Variants in STK3 observed in about 807,000 individuals in gnomAD.
STK3 encodes the protein serine/threonine-protein kinase 3.
A neutral mutation model predicts 58.0 loss-of-function variants in STK3; 41 were observed. That is an observed-to-expected ratio of 0.71 (90% CI 0.55 to 0.92). STK3 has a LOEUF of 0.92. Ranked by LOEUF, STK3 falls within the 40% of genes least tolerant of loss-of-function variation. The probability of loss-of-function intolerance (pLI) is 0.00; values close to 1 mark genes in which losing one functional copy is unlikely to be tolerated. For synonymous variants in STK3, 170 were observed against 191.0 expected (o/e 0.89, Z 0.91); for missense variants, 479 against 602.7 (o/e 0.79, Z 2.15).
chr8:98,592,495 T>C (rs1363212215), intron 7 of STK3, among the ~76,000 whole-genome samples: 7 of 152,190 alleles, frequency 4.6e-5, no homozygotes, highest in Admixed American at 1.3e-4. Context: ...TTTTTGTCTT[T>C]CATTTCTCAA....
intron 4 of STK3, among the ~76,000 whole-genome samples, chr8:98,727,960 T>C (rs1238210842): frequency 1.3e-5 from 2 of 152,226 alleles, no homozygotes; most frequent in Non-Finnish European, 2.9e-5. Context: ...ATGTAGCAAT[T>C]TCTGAAATAC....
At chr8:98,908,805 T>C (rs1339082317) in intron 1 of STK3, among the ~76,000 whole-genome samples, 1 of 142,742 alleles carries the variant, frequency 7.0e-6, no homozygotes, top group Non-Finnish European at 1.5e-5. Flanking sequence ...ATAACACCAT[T>C]GCATTCCAGC....
the STK3 span, among the ~76,000 whole-genome samples, chr8:98,361,620 G>A: frequency 6.6e-6 from 1 of 152,124 alleles, no homozygotes. Flanking sequence ...ACATCTGTTT[G>A]GGTTGCCTTG....
chr8:98,481,301 T>C (rs893204767), intron 10 of STK3, among the ~76,000 whole-genome samples: 1 of 152,148 alleles, frequency 6.6e-6, no homozygotes, highest in Non-Finnish European at 1.5e-5. Flanking sequence ...TCTGCACTTG[T>C]ATGTTTACTG....
At chr8:98,651,058 CT>C (rs1167612981) in intron 6 of STK3, among the ~76,000 whole-genome samples, 1 of 152,266 alleles carries the variant, frequency 6.6e-6, no homozygotes, top group Non-Finnish European at 1.5e-5. Flanking sequence ...TCCCTGACCC[CT>C]GGCCCTGGAG....
intron 1 of STK3, among the ~76,000 whole-genome samples, chr8:98,919,366 A>G (rs1839465568): frequency 6.6e-6 from 1 of 152,206 alleles, no homozygotes; most frequent in Non-Finnish European, 1.5e-5. Flanking sequence ...TCATGTTAGG[A>G]AACTAAGAGT....
chr8:98,838,230 G>A (rs754964696), intron 3 of STK3, among the ~76,000 whole-genome samples: 1 of 152,106 alleles, frequency 6.6e-6, no homozygotes, highest in Non-Finnish European at 1.5e-5. Flanking sequence ...GTGACAAAAT[G>A]AGACTCCATC....
chr8:98,609,746 G>A (rs1817042956), intron 6 of STK3, among the ~76,000 whole-genome samples: 1 of 152,090 alleles, frequency 6.6e-6, no homozygotes, highest in African/African-American at 2.4e-5. Flanking sequence ...GGATCACGAG[G>A]TCAGGAGATC....
chr8:98,784,964 C>T (rs1832365859), intron 1 of STK3, among the ~76,000 whole-genome samples: 1 of 151,644 alleles, frequency 6.6e-6, no homozygotes, highest in Admixed American at 6.6e-5. Context: ...CTCTGCTTCA[C>T]ACTCAGACAG....
At chr8:98,841,818 T>C (rs1359082742) in intron 3 of STK3, among the ~76,000 whole-genome samples, 1 of 151,800 alleles carries the variant, frequency 6.6e-6, no homozygotes, top group East Asian at 1.9e-4. Context: ...CTGCAGACTA[T>C]AAGAAAAATA....
intron 6 of STK3, among the ~76,000 whole-genome samples, chr8:98,652,883 G>A (rs1821077984): frequency 6.6e-6 from 1 of 151,818 alleles, no homozygotes; most frequent in Non-Finnish European, 1.5e-5. Flanking sequence ...AATAATAATG[G>A]GAGACTTTAA....
intron 8 of STK3, among the ~76,000 whole-genome samples, chr8:98,561,599 A>G (rs1812040949): frequency 6.6e-6 from 1 of 152,098 alleles, no homozygotes; most frequent in Non-Finnish European, 1.5e-5. Context: ...TTGAGGCTAC[A>G]GTGAGCTATG....
At chr8:98,752,198 C>T (rs58321500) in intron 3 of STK3, among the ~76,000 whole-genome samples, 53,090 of 151,914 alleles carry the variant, frequency 0.35, 9,557 homozygotes, top group Admixed American at 0.45. Context: ...CTTCAAAATA[C>T]ACTACAGGGC....
At chr8:98,840,031 G>A (rs922057849) in intron 3 of STK3, among the ~76,000 whole-genome samples, 6 of 151,788 alleles carry the variant, frequency 4.0e-5, no homozygotes, top group African/African-American at 1.5e-4. Context: ...AAATTATTTT[G>A]AAAAAAATAA....
At chr8:98,644,450 T>C (rs1043999755) in intron 6 of STK3, among the ~76,000 whole-genome samples, 4 of 152,180 alleles carry the variant, frequency 2.6e-5, no homozygotes, top group Admixed American at 6.5e-5. Flanking sequence ...TTGTTTAATA[T>C]TTCTAAGTCT....
intron 10 of STK3, among the ~76,000 whole-genome samples, chr8:98,510,383 C>T (rs1824413876): frequency 6.6e-6 from 1 of 151,954 alleles, no homozygotes; most frequent in Admixed American, 6.6e-5. Context: ...AAAATTTTTA[C>T]CAGGCCAAAC....
intron 3 of STK3, among the ~76,000 whole-genome samples, chr8:98,411,546 CATT>C (rs1374350768): frequency 6.6e-6 from 1 of 152,272 alleles, no homozygotes; most frequent in Non-Finnish European, 1.5e-5. Context: ...CCTGCCACAT[CATT>C]AACATCTGAG....
At chr8:98,728,739 T>A (rs1385472374) in intron 4 of STK3, among the ~76,000 whole-genome samples, 2 of 152,064 alleles carry the variant, frequency 1.3e-5, no homozygotes, top group African/African-American at 4.8e-5. Flanking sequence ...ATTAGGAAAG[T>A]CAAACATGAA....
At chr8:98,402,347 T>C (rs1157860114) in intron 3 of STK3, among the ~76,000 whole-genome samples, 7 of 152,158 alleles carry the variant, frequency 4.6e-5, no homozygotes, top group Admixed American at 4.6e-4. Context: ...GGCCTGCATA[T>C]CTTGAGCCAG....
Sources: allele counts gnomAD v4.1 joint callset (sites outside exome capture counted in the v4.1 genomes callset), GRCh38; gene constraint gnomAD v4.1.1; transcripts MANE v1.5; gene names NCBI Gene and HGNC (gene_info 2026-07-23, HGNC 2026-07-21).